PCNP: variants seen among roughly 807,000 people sequenced by gnomAD.
PCNP encodes PEST proteolytic signal containing nuclear protein.
A neutral mutation model predicts 21.8 loss-of-function variants in PCNP; 6 were observed. The observed-to-expected ratio is 0.28, with a 90% confidence interval of 0.15 to 0.54. The LOEUF is 0.54. Among genes scored for constraint, PCNP ranks in the 20% least tolerant of loss-of-function variants. The pLI is 0.95. For missense variants in PCNP, 161 were observed against 215.5 expected (o/e 0.75, Z 1.58); for synonymous variants, 67 against 73.2 (o/e 0.92, Z 0.43).
chr3:101,586,372 C>T (rs1418316700), intron 3 of PCNP, among the ~76,000 whole-genome samples: 1 of 151,890 alleles, frequency 6.6e-6, no homozygotes, highest in African/African-American at 2.4e-5. Context: ...TCGTTATCTT[C>T]CCATGTTATG....
intron 2 of PCNP, among the ~76,000 whole-genome samples, chr3:101,582,722 A>C (rs1051836550): frequency 7.9e-5 from 12 of 152,248 alleles, no homozygotes; most frequent in Admixed American, 2.6e-4. Context: ...GGAATGGTTA[A>C]TTTTGTTTCA....
At chr3:101,586,427 G>A (rs573039251) in intron 3 of PCNP, among the ~76,000 whole-genome samples, 1 of 152,080 alleles carries the variant, frequency 6.6e-6, no homozygotes, top group South Asian at 2.1e-4. Context: ...TGATGTTTTT[G>A]TACTAGACTC....
intron 2 of PCNP, among the ~76,000 whole-genome samples, chr3:101,582,321 C>T (rs951223628): frequency 6.6e-5 from 10 of 151,934 alleles, no homozygotes; most frequent in African/African-American, 1.7e-4. Flanking sequence ...GGTGTGGTGG[C>T]GGGCGCCTGT....
chr3:101,582,378 G>T (rs1297727884), intron 2 of PCNP, among the ~76,000 whole-genome samples: 3 of 152,122 alleles, frequency 2.0e-5, no homozygotes, highest in Non-Finnish European at 4.4e-5. Flanking sequence ...GCTTGAACCG[G>T]GAGGCAGAGG....
chr3:101,574,169 G>C, upstream of PCNP: 2 of 1,541,608 alleles, frequency 1.3e-6, no homozygotes, highest in South Asian at 1.2e-5. Flanking sequence ...GTTGGGCGGG[G>C]TCGTGACGTC....
Position 101,592,542 on chromosome 3 carries a change from A to G in PCNP, c.411-85A>G. 3 of 1,122,836 alleles carry G rather than the reference A, an allele frequency of 2.7e-6. No individual in the cohort carries two copies. The African/African-American group carries it at 4.8e-5, about 18-fold the overall frequency. The allele number at this position is 1,122,836 out of a possible 1,614,324, so 69.6% of individuals were successfully genotyped here. A position where few individuals can be genotyped will look rare whatever the true frequency, so the allele number is the denominator to read the frequency against. On this transcript the variant is annotated intron_variant, in intron 4 of 4. Transcript: ENST00000265260. ...CAGTCTGTGTTTATAATAGGTGCTA[A>G]ACAAACATGTATTGAATGAATCAAA...
chr3:101,588,862 C>G (rs1414395684), intron 3 of PCNP, among the ~76,000 whole-genome samples: 1 of 152,222 alleles, frequency 6.6e-6, no homozygotes, highest in East Asian at 1.9e-4. Context: ...TATCAATATG[C>G]CCCATCACTA....
chr3:101,576,531 A>G (rs939723864), intron 1 of PCNP: 4 of 1,610,686 alleles, frequency 2.5e-6, no homozygotes, highest in African/African-American at 2.7e-5. Flanking sequence ...CACGGCGGCC[A>G]GTGGTCTTGG....
chr3:101,579,484 A>C, intron 1 of PCNP: 1 of 500,350 alleles, frequency 2.0e-6, no homozygotes, highest in Non-Finnish European at 3.8e-6. Flanking sequence ...GCAAAATCCC[A>C]CAAATAACCA....
At chr3:101,589,164 A>C (rs1451871826) in intron 3 of PCNP, among the ~76,000 whole-genome samples, 5 of 152,132 alleles carry the variant, frequency 3.3e-5, no homozygotes, top group African/African-American at 7.2e-5. Flanking sequence ...AGAGCTTCTT[A>C]TTATCACATT....
chr3:101,591,584 A>G (rs1481694489), intron 4 of PCNP, among the ~76,000 whole-genome samples: 1 of 152,182 alleles, frequency 6.6e-6, no homozygotes, highest in Non-Finnish European at 1.5e-5. Context: ...ATAGTTAAAC[A>G]TAAATAATTG....
intron 3 of PCNP, among the ~76,000 whole-genome samples, chr3:101,588,054 C>T (rs571206337): frequency 5.3e-5 from 8 of 152,212 alleles, no homozygotes; most frequent in Admixed American, 1.3e-4. Context: ...GGGTGGATCA[C>T]GAGGTCAGGA....
At chr3:101,585,372 A>T (rs1323241784) in intron 2 of PCNP, 65 bp from the exon 3 acceptor site, 1 of 921,654 alleles carries the variant, frequency 1.1e-6, no homozygotes, top group Non-Finnish European at 1.7e-6. Flanking sequence ...AATTATTCAT[A>T]TCATTAAACA....
At chr3:101,576,644 C>G in intron 1 of PCNP, 1 of 1,611,792 alleles carries the variant, frequency 6.2e-7, no homozygotes, top group South Asian at 1.1e-5. Flanking sequence ...TTGTCCAGAC[C>G]ATTGGCTAGG....
intron 2 of PCNP, 103 bp downstream of exon 2, chr3:101,580,107 ATTGT>A (rs1216289891): frequency 8.9e-6 from 7 of 782,780 alleles, no homozygotes; most frequent in Admixed American, 2.2e-5. Context: ...GAAAAGGTAC[ATTGT>A]TTGAGAAGTA....
chr3:101,576,710 G>A (rs1934920111), intron 1 of PCNP: 1 of 1,612,116 alleles, frequency 6.2e-7, no homozygotes, highest in Non-Finnish European at 8.5e-7. Context: ...AACCAGTCTG[G>A]GATCTTGTAC....
intron 3 of PCNP, among the ~76,000 whole-genome samples, chr3:101,588,594 T>C (rs1935655073): frequency 6.6e-6 from 1 of 152,234 alleles, no homozygotes; most frequent in Non-Finnish European, 1.5e-5. Flanking sequence ...CTTAATTAGT[T>C]AATTTTGAAA....
chr3:101,592,893 A>G lies in PCNP; in HGVS notation c.*140A>G. 1 of 548,490 alleles carries G rather than the reference A, an allele frequency of 1.8e-6. No individual in the cohort carries two copies. The highest frequency in any genetic ancestry group is 5.4e-5 in the South Asian group (1 of 18,570). The allele number at this position is 548,490 out of a possible 1,614,324, so 34.0% of individuals were successfully genotyped here. On this transcript the variant is annotated 3_prime_UTR_variant, in exon 5 of 5. Coordinates refer to ENST00000265260, the MANE Select transcript of PCNP (RefSeq NM_020357.3). The stretch of plus-strand genomic sequence containing the variant: ...TTTTAAAAGATTGAGTGGTACACTA[A>G]TAAATGAGAGTTTGAAATTAGAGGT...
At chr3:101,588,717 G>A (rs374813374) in intron 3 of PCNP, among the ~76,000 whole-genome samples, 7 of 152,138 alleles carry the variant, frequency 4.6e-5, no homozygotes, top group African/African-American at 1.7e-4. Flanking sequence ...GTACAGGCCA[G>A]TTATTTTGTA....
Sources: allele counts gnomAD v4.1 joint callset (sites outside exome capture counted in the v4.1 genomes callset), GRCh38; gene constraint gnomAD v4.1.1; transcripts MANE v1.5; gene names NCBI Gene and HGNC (gene_info 2026-07-23, HGNC 2026-07-21).